Variants in APLF observed in about 807,000 individuals in gnomAD.
APLF encodes aprataxin and PNKP like factor.
APLF carries 61 observed loss-of-function variants against 55.6 expected under a neutral mutation model. That is an observed-to-expected ratio of 1.10 (90% CI 0.89 to 1.36). The LOEUF is 1.36. Among genes scored for constraint, APLF ranks in the 40% most tolerant of loss-of-function variants. The pLI is 0.00. For synonymous variants in APLF, 207 were observed against 214.8 expected, an observed-to-expected ratio of 0.96 and a Z score of 0.32; for missense variants, 611 against 602.5, an observed-to-expected ratio of 1.01 and a Z score of -0.15.
At chr2:68,522,837 C>G (rs1392467309) in intron 5 of APLF, among the ~76,000 whole-genome samples, 1 of 151,710 alleles carries the variant, frequency 6.6e-6, no homozygotes, top group Non-Finnish European at 1.5e-5. Flanking sequence ...TACTTTATGC[C>G]ATATTCAGAA....
intron 8 of APLF, among the ~76,000 whole-genome samples, chr2:68,555,877 G>A (rs1244843207): frequency 2.6e-5 from 4 of 152,074 alleles, no homozygotes; most frequent in African/African-American, 9.7e-5. Flanking sequence ...AAATGAAGTC[G>A]TCATATGAAA....
intron 3 of APLF, among the ~76,000 whole-genome samples, chr2:68,509,541 T>G (rs1676979039): frequency 1.3e-5 from 2 of 152,028 alleles, no homozygotes; most frequent in Non-Finnish European, 2.9e-5. Context: ...CCAGTTAGAA[T>G]GGTGATCATT....
chr2:68,514,680 C>T (rs1304202039), intron 5 of APLF, among the ~76,000 whole-genome samples: 2 of 151,802 alleles, frequency 1.3e-5, no homozygotes, highest in Admixed American at 6.6e-5. Context: ...TCACCTCTGC[C>T]TGTTCTCCTA....
intron 8 of APLF, among the ~76,000 whole-genome samples, chr2:68,564,787 G>T (rs1168246918): frequency 6.6e-6 from 1 of 151,980 alleles, no homozygotes; most frequent in Non-Finnish European, 1.5e-5. Flanking sequence ...CCTATAGAAT[G>T]TTTACTTCGT....
intron 9 of APLF, among the ~76,000 whole-genome samples, chr2:68,568,550 A>G (rs1365492951): frequency 2.0e-5 from 3 of 152,124 alleles, no homozygotes; most frequent in Non-Finnish European, 2.9e-5. Flanking sequence ...TGGTAGTTTA[A>G]TAAAGTCTTC....
In APLF at chr2:68,571,269, C is replaced by G. The variant is rs552126070; in HGVS notation, c.1333+3882C>G. ...TGCCTGTTCACTCTGATGGTAGTTT[C>G]TTTTGCTGTGCAGAAGCTCTTTAGT... is the stretch of plus-strand genomic sequence containing the variant. On this transcript the variant is annotated intron_variant, in intron 9 of 9. Coordinates refer to ENST00000303795, the MANE Select transcript of APLF (RefSeq NM_173545.3). Among the ~76,000 whole-genome samples, 445 of 152,050 alleles carry G rather than the reference C, an allele frequency of 2.9e-3. 3 individuals are homozygous for G. Among genetic ancestry groups the G allele is most frequent in the Non-Finnish European group, 4.4e-3 (300 of 67,974 alleles).
At chr2:68,504,377 T>C (rs1253231376) in intron 3 of APLF, among the ~76,000 whole-genome samples, 3 of 151,838 alleles carry the variant, frequency 2.0e-5, no homozygotes, top group Non-Finnish European at 4.4e-5. Flanking sequence ...CAGACCAATA[T>C]TCCTCATAAT....
chr2:68,495,822 G>T (rs75892719), intron 2 of APLF, among the ~76,000 whole-genome samples: 2 of 152,228 alleles, frequency 1.3e-5, no homozygotes, highest in Admixed American at 1.3e-4. Flanking sequence ...GCTTAACACC[G>T]TGTGAGAGCT....
At chr2:68,549,385 C>G (rs1405744716) in intron 8 of APLF, among the ~76,000 whole-genome samples, 4 of 151,976 alleles carry the variant, frequency 2.6e-5, no homozygotes, top group Non-Finnish European at 5.9e-5. Flanking sequence ...TATTATTTCC[C>G]TCTTAGTCTC....
rs201679617 is a variant in APLF, at chr2:68,573,763, A to G, written c.1334-4057A>G. 1.6e-4 allele frequency among the ~76,000 whole-genome samples: 24 copies of G among 152,088 alleles called. No homozygotes were observed. The East Asian group carries it at 4.4e-3, about 28-fold the overall frequency. On this transcript the variant is annotated intron_variant, in intron 9 of 9. Coordinates refer to ENST00000303795, the MANE Select transcript of APLF (RefSeq NM_173545.3). Reference sequence around the variant, plus strand: ...TTATAACACAGATAGTTGGACTTCTAACCCCTGGTCTAGTCCTCTTTCTCT... The same window carrying G: ...TTATAACACAGATAGTTGGACTTCTGACCCCTGGTCTAGTCCTCTTTCTCT...
At chr2:68,523,008 A>G (rs1215147532) in intron 5 of APLF, among the ~76,000 whole-genome samples, 1 of 151,958 alleles carries the variant, frequency 6.6e-6, no homozygotes, top group Non-Finnish European at 1.5e-5. Context: ...ATAAAAAGGA[A>G]AAATACTTCT....
intron 6 of APLF, among the ~76,000 whole-genome samples, chr2:68,535,835 T>A (rs1670371160): frequency 6.6e-6 from 1 of 152,046 alleles, no homozygotes; most frequent in Non-Finnish European, 1.5e-5. Context: ...GGCCAAAAGG[T>A]TTTAAGGTTA....
rs149043907 is a variant in APLF, at chr2:68,537,191, G to A, written c.805-681G>A. Among the ~76,000 whole-genome samples, 3 of 151,536 alleles carry A rather than the reference G, an allele frequency of 2.0e-5. No homozygotes were observed. In the East Asian group the frequency reaches 5.8e-4, roughly 29 times the overall value. On this transcript the variant is annotated intron_variant, in intron 6 of 9. Transcript: ENST00000303795. ...AAAAAAAAAAAAAGAGAAATTATAA[G>A]GACCGTGCATGTTAAGAACATGACT...
At chr2:68,510,898 T>C (rs1297510183) in intron 3 of APLF, among the ~76,000 whole-genome samples, 1 of 151,818 alleles carries the variant, frequency 6.6e-6, no homozygotes, top group Non-Finnish European at 1.5e-5. Context: ...TGAAACATTA[T>C]GCTAAGTAAA....
intron 2 of APLF, among the ~76,000 whole-genome samples, chr2:68,498,394 T>G (rs1676623262): frequency 6.6e-6 from 1 of 152,244 alleles, no homozygotes; most frequent in African/African-American, 2.4e-5. Flanking sequence ...TGCTTTTCTT[T>G]AACTTGGAAA....
In APLF at chr2:68,526,373, A is replaced by T. The variant is rs1670046994; in HGVS notation, c.804+131A>T. The T allele has an allele frequency of 3.5e-6, 5 of 1,427,592 alleles. No individual in the cohort carries two copies. The Admixed American group carries it at 7.4e-5, about 21-fold the overall frequency. The allele number at this position is 1,427,592 out of a possible 1,614,324, so 88.4% of individuals were successfully genotyped here. ...AGTTTATGAAGACAAAACTAGCCCA[A>T]TTTTTTCAGACTTACTGAAACTAAT... On this transcript the variant is annotated intron_variant, in intron 6 of 9. Transcript: ENST00000303795.
At chr2:68,516,856 T>TAA (rs1165976513) in intron 5 of APLF, among the ~76,000 whole-genome samples, 1 of 136,280 alleles carries the variant, frequency 7.3e-6, no homozygotes, top group Non-Finnish European at 1.5e-5. Flanking sequence ...TTTATATATA[T>TAA]AATATATATA....
At chr2:68,526,304 T>TTGCCTTCTTC in intron 6 of APLF, 62 bp downstream of exon 6, 1 of 1,526,922 alleles carries the variant, frequency 6.5e-7, no homozygotes, top group Non-Finnish European at 8.9e-7. Flanking sequence ...TAGAAATTAA[T>TTGCCTTCTTC]CATATGCTAT....
intron 3 of APLF, among the ~76,000 whole-genome samples, chr2:68,507,112 A>T (rs1200076894): frequency 6.6e-6 from 1 of 151,850 alleles, no homozygotes; most frequent in Non-Finnish European, 1.5e-5. Flanking sequence ...ATATGAGAAA[A>T]TGTTTCTATC....
Sources: gnomAD v4.1 joint callset for allele counts (sites outside exome capture counted in the v4.1 genomes callset) on GRCh38, gnomAD v4.1.1 for gene constraint, MANE v1.5 for transcripts, NCBI Gene and HGNC (gene_info 2026-07-23, HGNC 2026-07-21) for gene names.